Variants in TOX observed in about 807,000 individuals in gnomAD.
TOX encodes the protein thymocyte selection-associated high mobility group box protein TOX.
TOX carries 11 observed loss-of-function variants against 53.7 expected under a neutral mutation model. The ratio of observed to expected loss-of-function variants is 0.20; its 90% CI spans 0.13 to 0.34. TOX has a LOEUF of 0.34. Among genes scored for constraint, TOX ranks in the 10% least tolerant of loss-of-function variants. The pLI is 1.00. For synonymous variants in TOX, 225 were observed against 245.3 expected (o/e 0.92, Z 0.77); for missense variants, 570 against 664.6 (o/e 0.86, Z 1.56).
At chr8:58,831,691 C>T (rs1810456523) in intron 5 of TOX, among the ~76,000 whole-genome samples, 1 of 152,154 alleles carries the variant, frequency 6.6e-6, no homozygotes. Flanking sequence ...AAGGCCTGGT[C>T]TCTTTTGTTC....
intron 2 of TOX, among the ~76,000 whole-genome samples, chr8:58,946,718 A>G (rs950235634): frequency 2.0e-5 from 3 of 152,194 alleles, no homozygotes; most frequent in African/African-American, 7.2e-5. Flanking sequence ...AATTTTTTTA[A>G]CTGGTGTTAA....
At chr8:59,054,706 T>A (rs779117095) in intron 1 of TOX, among the ~76,000 whole-genome samples, 2 of 151,186 alleles carry the variant, frequency 1.3e-5, no homozygotes, top group Non-Finnish European at 2.9e-5. Context: ...TTCCTCTAAA[T>A]GTATACTCTC....
At chr8:58,902,162 T>C (rs1011373428) in intron 3 of TOX, among the ~76,000 whole-genome samples, 2 of 152,210 alleles carry the variant, frequency 1.3e-5, no homozygotes, top group African/African-American at 4.8e-5. Flanking sequence ...ATTACGAGTA[T>C]GCTTTTCTTC....
At chr8:59,027,150 T>C (rs946133791) in intron 1 of TOX, among the ~76,000 whole-genome samples, 2 of 152,212 alleles carry the variant, frequency 1.3e-5, no homozygotes, top group African/African-American at 2.4e-5. Context: ...TTCTGGTTTC[T>C]GGTTTAATGC....
intron 1 of TOX, among the ~76,000 whole-genome samples, chr8:58,975,869 C>G (rs555874165): frequency 1.2e-4 from 18 of 152,006 alleles, no homozygotes; most frequent in Non-Finnish European, 1.9e-4. Context: ...GTCAAGAGAT[C>G]GAGACCATCC....
chr8:58,831,334 C>G (rs1810450183), intron 5 of TOX, among the ~76,000 whole-genome samples: 1 of 152,094 alleles, frequency 6.6e-6, no homozygotes, highest in Non-Finnish European at 1.5e-5. Flanking sequence ...CAGTATGTGC[C>G]TACTGTGGTG....
chr8:58,973,753 T>A (rs12545204), intron 1 of TOX, among the ~76,000 whole-genome samples: 110,190 of 152,066 alleles, frequency 0.72, 40,581 homozygotes, highest in South Asian at 0.83. Flanking sequence ...ATAATACTAA[T>A]TATCACGAGG....
chr8:58,882,836 T>C (rs1039154505), intron 3 of TOX, among the ~76,000 whole-genome samples: 1 of 152,190 alleles, frequency 6.6e-6, no homozygotes, highest in African/African-American at 2.4e-5. Flanking sequence ...ATGATGTCAC[T>C]ATCAACTCTA....
chr8:58,940,891 G>C (rs1035624288), intron 2 of TOX, among the ~76,000 whole-genome samples: 1 of 152,154 alleles, frequency 6.6e-6, no homozygotes, highest in Admixed American at 6.5e-5. Context: ...TTGTTTAGGT[G>C]CCATCAGAAG....
At chr8:59,115,506 G>A (rs1185904326) in intron 1 of TOX, among the ~76,000 whole-genome samples, 11 of 152,146 alleles carry the variant, frequency 7.2e-5, no homozygotes. Flanking sequence ...CCAATTGTAA[G>A]CTCATTTAAT....
At chr8:58,853,116 C>T (rs757683707) in intron 3 of TOX, among the ~76,000 whole-genome samples, 1 of 152,150 alleles carries the variant, frequency 6.6e-6, no homozygotes. Context: ...TTCTCCGGAA[C>T]GCATTTACTG....
At chr8:59,010,324 T>C (rs967867424) in intron 1 of TOX, among the ~76,000 whole-genome samples, 3 of 152,216 alleles carry the variant, frequency 2.0e-5, no homozygotes, top group African/African-American at 7.2e-5. Context: ...ATTATGACTA[T>C]TACTATTATT....
At chr8:59,018,931 T>C (rs931810650) in intron 1 of TOX, among the ~76,000 whole-genome samples, 6 of 152,204 alleles carry the variant, frequency 3.9e-5, no homozygotes, top group African/African-American at 1.4e-4. Flanking sequence ...TGATTCTCAA[T>C]GATTTAACTT....
At chr8:58,841,474 A>G (rs1486616155) in intron 4 of TOX, among the ~76,000 whole-genome samples, 1 of 152,238 alleles carries the variant, frequency 6.6e-6, no homozygotes, top group South Asian at 2.1e-4. Flanking sequence ...TAAAATATTT[A>G]TTTAAAAGGA....
At chr8:58,843,609 T>G (rs1047797125) in intron 4 of TOX, among the ~76,000 whole-genome samples, 1 of 152,232 alleles carries the variant, frequency 6.6e-6, no homozygotes, top group Admixed American at 6.5e-5. Flanking sequence ...TGGAAACTCC[T>G]TGTTGTAGTT....
chr8:59,100,009 A>G (rs1804778116), intron 1 of TOX, among the ~76,000 whole-genome samples: 1 of 152,202 alleles, frequency 6.6e-6, no homozygotes, highest in Non-Finnish European at 1.5e-5. Context: ...TTTCCATTTA[A>G]AGACATGGAG....
At chr8:59,111,154 G>A (rs1805010818) in intron 1 of TOX, among the ~76,000 whole-genome samples, 2 of 152,134 alleles carry the variant, frequency 1.3e-5, no homozygotes, top group African/African-American at 4.8e-5. Context: ...CAGAGTGGGA[G>A]GGAATCACAT....
At chr8:58,873,705 A>T (rs1811233811) in intron 3 of TOX, among the ~76,000 whole-genome samples, 1 of 152,082 alleles carries the variant, frequency 6.6e-6, no homozygotes, top group South Asian at 2.1e-4. Flanking sequence ...TTGTGCTGGC[A>T]TCTGATGGAA....
At chr8:59,074,128 G>A (rs570374764) in intron 1 of TOX, among the ~76,000 whole-genome samples, 1 of 152,124 alleles carries the variant, frequency 6.6e-6, no homozygotes, top group East Asian at 1.9e-4. Context: ...TAAATCTGTC[G>A]GCAAACATGC....
Sources: gnomAD v4.1 joint callset for allele counts (sites outside exome capture counted in the v4.1 genomes callset) on GRCh38, gnomAD v4.1.1 for gene constraint, MANE v1.5 for transcripts, NCBI Gene and HGNC (gene_info 2026-07-23, HGNC 2026-07-21) for gene names.